Variants in DYTN observed in about 807,000 individuals in gnomAD.
DYTN encodes the protein dystrotelin.
Under a neutral mutation model 69.6 loss-of-function variants are expected in DYTN, and 75 were observed. The observed-to-expected ratio is 1.08, with a 90% CI of 0.89 to 1.31. The LOEUF is 1.31. DYTN is among the 50% of genes most tolerant of loss of function. DYTN has a pLI of 0.00. For missense variants in DYTN, 726 were observed against 688.4 expected, an observed-to-expected ratio of 1.05 and a Z score of -0.61; for synonymous variants, 252 against 249.1, an observed-to-expected ratio of 1.01 and a Z score of -0.11.
At chr2:206,705,377 C>T (rs1352471533) in intron 4 of DYTN, among the ~76,000 whole-genome samples, 1 of 152,244 alleles carries the variant, frequency 6.6e-6, no homozygotes, top group African/African-American at 2.4e-5. Context: ...GGATTACAGG[C>T]ATGAGCCACC....
chr2:206,660,946 A>AC (rs1699505060), intron 11 of DYTN, among the ~76,000 whole-genome samples: 1 of 152,088 alleles, frequency 6.6e-6, no homozygotes, highest in African/African-American at 2.4e-5. Context: ...GGCCTGACTA[A>AC]CCCCTAGTGC....
At chr2:206,706,181 C>T (rs2105901142) in intron 3 of DYTN, among the ~76,000 whole-genome samples, 1 of 152,258 alleles carries the variant, frequency 6.6e-6, no homozygotes, top group Non-Finnish European at 1.5e-5. Context: ...CAGGTAGCAT[C>T]ACTTCCTCGG....
rs748364166 is a variant in DYTN at position 206,651,918 on chromosome 2, G to A, written c.1637C>T (p.Pro546Leu). The A allele has an allele frequency of 7.3e-5, 118 of 1,611,124 alleles. No individual in the cohort carries two copies. The highest frequency in any genetic ancestry group is 9.6e-5 in the Non-Finnish European group (113 of 1,178,372). Residue 546 changes from proline (P) to leucine (L), a missense_variant, in exon 12 of 12, where the codon CCG (proline) becomes CTG (leucine). Transcript: ENST00000452335. Reference sequence around the variant, plus strand: ...CAGGTCCATGTTTACTGAAGACTCCGGGCCTGAAATCAACAAACAAGAGAG... The same window carrying A: ...CAGGTCCATGTTTACTGAAGACTCCAGGCCTGAAATCAACAAACAAGAGAG... ...DAFNLETPSG[P>L]ESSVNMDLYS...
intron 9 of DYTN, among the ~76,000 whole-genome samples, chr2:206,682,648 A>T (rs1159175617): frequency 6.6e-6 from 1 of 152,140 alleles, no homozygotes; most frequent in Non-Finnish European, 1.5e-5. Context: ...TAACATGCCA[A>T]CAACCCCCAA....
intron 7 of DYTN, among the ~76,000 whole-genome samples, chr2:206,695,887 C>A (rs1226947738): frequency 6.6e-6 from 1 of 152,214 alleles, no homozygotes; most frequent in African/African-American, 2.4e-5. Context: ...CTATTTCCTT[C>A]ACGTATACCA....
intron 10 of DYTN, among the ~76,000 whole-genome samples, chr2:206,663,764 TG>T (rs1398800397): frequency 6.6e-6 from 1 of 152,196 alleles, no homozygotes; most frequent in Non-Finnish European, 1.5e-5. Context: ...ATAGTCTTTC[TG>T]GTAGGTGTGT....
chr2:206,718,385 AC>A lies in DYTN; in HGVS notation c.-107del. ...GCAGCAGAGGAATGAGGACAGGGGA[AC>A]AAAAAGGCAACTAAACAAATCATTT... On this transcript the variant is annotated 5_prime_UTR_variant, in exon 1 of 12. Coordinates refer to ENST00000452335, the MANE Select transcript of DYTN (RefSeq NM_001093730.1). 8.3e-7 allele frequency: 1 copy of A among 1,206,572 alleles called. No individual in the cohort carries two copies. The highest frequency in any genetic ancestry group is 1.2e-6 in the Non-Finnish European group (1 of 868,058). 74.7% of individuals were successfully genotyped at this position (1,206,572 alleles called of 1,614,324 possible). A position where few individuals can be genotyped will look rare whatever the true frequency, so the allele number is the denominator to read the frequency against.
intron 4 of DYTN, 29 bp downstream of exon 4, chr2:206,705,759 T>G: frequency 6.2e-7 from 1 of 1,607,824 alleles, no homozygotes. Flanking sequence ...CACTGCACTT[T>G]AGGACACCCG....
intron 1 of DYTN, among the ~76,000 whole-genome samples, chr2:206,716,510 G>T (rs2105904296): frequency 6.6e-6 from 1 of 152,170 alleles, no homozygotes; most frequent in Middle Eastern, 3.4e-3. Flanking sequence ...TTTTTCAAGA[G>T]GTACAAACAT....
chr2:206,662,902 C>T lies in DYTN; in HGVS notation c.1633+1G>A. 6.2e-7 allele frequency: 1 copy of T among 1,610,254 alleles called. No individual in the cohort carries two copies. Among genetic ancestry groups the T allele is most frequent in the Non-Finnish European group, 8.5e-7 (1 of 1,178,510 alleles). ...ATGTCTATGGATTGTGAAAACCTTACCTGATGGCGTTTCTAGATTGAAGGC... is the reference window on the plus strand; with the variant it reads ...ATGTCTATGGATTGTGAAAACCTTATCTGATGGCGTTTCTAGATTGAAGGC... On this transcript the variant is annotated splice_donor_variant, in intron 11 of 11. Coordinates refer to ENST00000452335, the MANE Select transcript of DYTN (RefSeq NM_001093730.1). LOFTEE classifies it high-confidence loss of function.
Position 206,679,499 on chromosome 2 carries a change from A to G in DYTN, c.981-13470T>C, listed in dbSNP as rs185482331. ...GACATTAGGAGTTATAAATGCAGGT[A>G]TGTGTTTATCACGTCAAATCTGAAA... is the stretch of plus-strand genomic sequence containing the variant. On this transcript the variant is annotated intron_variant, in intron 9 of 11. Coordinates refer to ENST00000452335, the MANE Select transcript of DYTN (RefSeq NM_001093730.1). Among the ~76,000 whole-genome samples the G allele has an allele frequency of 9.8e-4, 150 of 152,342 alleles. 1 individual carries two copies. The highest frequency in any genetic ancestry group is 3.4e-3 in the African/African-American group (143 of 41,584).
intron 7 of DYTN, among the ~76,000 whole-genome samples, chr2:206,697,360 T>C (rs974395674): frequency 1.1e-4 from 17 of 152,282 alleles, no homozygotes; most frequent in African/African-American, 4.1e-4. Flanking sequence ...TTCTAGAATT[T>C]TTTTCTTGGA....
At chr2:206,659,484 CA>C (rs772861150) in intron 11 of DYTN, among the ~76,000 whole-genome samples, 4,593 of 64,410 alleles carry the variant, frequency 0.071, 47 homozygotes, top group African/African-American at 0.15. Flanking sequence ...CAACAATTCT[CA>C]AAAAAAAAAA....
chr2:206,684,692 G>C (rs1018649189), intron 9 of DYTN, among the ~76,000 whole-genome samples: 2 of 152,096 alleles, frequency 1.3e-5, no homozygotes, highest in Admixed American at 1.3e-4. Context: ...CTCTTCTTCT[G>C]TGATTGCCTA....
intron 11 of DYTN, among the ~76,000 whole-genome samples, chr2:206,659,589 C>T (rs765898412): frequency 4.0e-5 from 6 of 148,810 alleles, no homozygotes; most frequent in Non-Finnish European, 7.4e-5. Context: ...AACGAAAATA[C>T]TTTGATTTTG....
At position 206,696,554 on chromosome 2, in the gene DYTN, C is replaced by T. The variant is rs111748329; in HGVS notation, c.720-1677G>A. Among the ~76,000 whole-genome samples, 882 of 152,264 alleles carry T rather than the reference C, an allele frequency of 5.8e-3. 8 individuals carry two copies. Among genetic ancestry groups the T allele is most frequent in the South Asian group, 0.052 (250 of 4,812 alleles). ...GTGTACATGTGTTGACCCAGTTAAT[C>T]CCCATGGAAATTCTTTCAGGTATTC... On this transcript the variant is annotated intron_variant, in intron 7 of 11. Transcript: ENST00000452335.
At chr2:206,658,889 A>G (rs1022824937) in intron 11 of DYTN, among the ~76,000 whole-genome samples, 3 of 152,186 alleles carry the variant, frequency 2.0e-5, no homozygotes, top group African/African-American at 7.2e-5. Flanking sequence ...AAAAGGATGG[A>G]AAAAGAAGCT....
At chr2:206,715,484 G>A (rs1325242492) in intron 1 of DYTN, among the ~76,000 whole-genome samples, 1 of 152,126 alleles carries the variant, frequency 6.6e-6, no homozygotes, top group Non-Finnish European at 1.5e-5. Context: ...AGATAATTGT[G>A]TCTCCTTGGG....
chr2:206,698,485 G>T (rs902843002), intron 7 of DYTN, among the ~76,000 whole-genome samples: 1 of 152,056 alleles, frequency 6.6e-6, no homozygotes, highest in African/African-American at 2.4e-5. Context: ...TTCTCCTTCC[G>T]GGAACCCTCA....
Sources: gnomAD v4.1 joint callset for allele counts (sites outside exome capture counted in the v4.1 genomes callset) on GRCh38, gnomAD v4.1.1 for gene constraint, MANE v1.5 for transcripts, NCBI Gene and HGNC (gene_info 2026-07-23, HGNC 2026-07-21) for gene names.